The following IRAK1BP1 variants were observed in gnomAD, a reference collection of about 807,000 sequenced individuals.
The protein encoded by IRAK1BP1 is interleukin 1 receptor associated kinase 1 binding protein 1.
IRAK1BP1 carries 24 observed loss-of-function variants against 28.0 expected under a neutral mutation model. The ratio of observed to expected loss-of-function variants is 0.86; its 90% CI spans 0.62 to 1.20. The LOEUF (loss-of-function observed/expected upper bound fraction) is 1.20. Among genes scored for constraint, IRAK1BP1 ranks in the 50% most tolerant of loss-of-function variants. The probability of loss-of-function intolerance (pLI) is 0.00; values close to 1 mark genes in which losing one functional copy is unlikely to be tolerated. For synonymous variants in IRAK1BP1, 131 were observed against 116.3 expected (o/e 1.13, Z -0.81); for missense variants, 336 against 316.7 (o/e 1.06, Z -0.46).
chr6:78,914,116 G>T (rs142649729), intron 4 of IRAK1BP1, among the ~76,000 whole-genome samples: 21 of 152,080 alleles, frequency 1.4e-4, no homozygotes, highest in African/African-American at 5.1e-4. Flanking sequence ...TGCTTTAATT[G>T]ATGATTAGCA....
chr6:78,931,113 A>G (rs1773035091), intron 4 of IRAK1BP1, among the ~76,000 whole-genome samples: 1 of 152,174 alleles, frequency 6.6e-6, no homozygotes, highest in Non-Finnish European at 1.5e-5. Flanking sequence ...TAAAAATTTC[A>G]GGATGGGCTG....
intron 4 of IRAK1BP1, among the ~76,000 whole-genome samples, chr6:78,918,447 C>A (rs1772620749): frequency 6.6e-6 from 1 of 151,722 alleles, no homozygotes; most frequent in Non-Finnish European, 1.5e-5. Context: ...CTTCAAGGGA[C>A]CCTTCTTACA....
chr6:78,947,654 G>A (rs1197991568), downstream of IRAK1BP1: 1 of 1,493,826 alleles, frequency 6.7e-7, no homozygotes, highest in Non-Finnish European at 9.3e-7. Flanking sequence ...ATATGCTTTG[G>A]AATTACTGAA....
At chr6:78,945,537 G>A (rs770972974) in exon 5 of IRAK1BP1, 2 of 1,228,834 alleles carry the variant, frequency 1.6e-6, no homozygotes, top group South Asian at 1.3e-5. Context: ...AAGAGTTATT[G>A]AACCTAAAGA....
At chr6:78,977,342 C>T in the IRAK1BP1 span, among the ~76,000 whole-genome samples, 1 of 150,532 alleles carries the variant, frequency 6.6e-6, no homozygotes, top group Non-Finnish European at 1.5e-5. Context: ...CACATGGACA[C>T]AGGAAGGGGA....
rs1253855770 is a variant in IRAK1BP1, at chr6:78,898,416, A to T, written c.*82A>T. On this transcript the variant is annotated 3_prime_UTR_variant, in exon 4 of 4. Coordinates refer to ENST00000369940, the MANE Select transcript of IRAK1BP1 (RefSeq NM_001010844.4). ...TAATGTTTACGTTTGTCCTGAATAT[A>T]TATATATATATATATATATATATAT... 7.8e-6 allele frequency: 1 copy of T among 129,012 alleles called. No individual in the cohort carries two copies. The highest frequency in any genetic ancestry group is 3.2e-5 in the African/African-American group (1 of 31,378). 8.0% of individuals were successfully genotyped at this position (129,012 alleles called of 1,614,324 possible).
At chr6:78,915,140 C>G (rs1772527671) in intron 4 of IRAK1BP1, among the ~76,000 whole-genome samples, 1 of 151,990 alleles carries the variant, frequency 6.6e-6, no homozygotes, top group Middle Eastern at 3.2e-3. Flanking sequence ...GTTTTTATAA[C>G]CTAGGTATTA....
downstream of IRAK1BP1, among the ~76,000 whole-genome samples, chr6:78,948,523 T>C (rs1363487116): frequency 6.6e-6 from 1 of 152,114 alleles, no homozygotes; most frequent in Non-Finnish European, 1.5e-5. Flanking sequence ...GGAGACACAG[T>C]CTTGCTGCTG....
downstream of IRAK1BP1, among the ~76,000 whole-genome samples, chr6:78,907,647 A>G (rs112954753): frequency 0.019 from 2,833 of 152,322 alleles, 85 homozygotes; most frequent in African/African-American, 0.064. Context: ...CACACACACA[A>G]TGAAAAATTG....
chr6:78,888,979 T>G (rs1176238252), intron 2 of IRAK1BP1, among the ~76,000 whole-genome samples: 1 of 151,520 alleles, frequency 6.6e-6, no homozygotes, highest in Non-Finnish European at 1.5e-5. Context: ...TAGGTGGATG[T>G]GATGGCATGC....
At chr6:78,942,103 T>C (rs1773535182) in intron 4 of IRAK1BP1, among the ~76,000 whole-genome samples, 1 of 152,178 alleles carries the variant, frequency 6.6e-6, no homozygotes, top group Admixed American at 6.5e-5. Context: ...TTTGAGGAAA[T>C]TCATAGATGG....
chr6:78,970,982 G>T, the IRAK1BP1 span: 2 of 748,984 alleles, frequency 2.7e-6, no homozygotes, highest in East Asian at 2.9e-5. Context: ...AAAATCTAAT[G>T]CCTTTTCAGC....
intron 2 of IRAK1BP1, among the ~76,000 whole-genome samples, chr6:78,885,673 C>G (rs141777477): frequency 6.6e-6 from 1 of 152,078 alleles, no homozygotes; most frequent in African/African-American, 2.4e-5. Context: ...CAGTTAATTG[C>G]CACTAAATAC....
chr6:78,946,178 T>C lies in IRAK1BP1; in HGVS notation c.*838T>C, dbSNP rs1411975133. 8 of 1,614,036 alleles carry C rather than the reference T, an allele frequency of 5.0e-6. No homozygotes were observed. The highest frequency in any genetic ancestry group is 6.8e-6 in the Non-Finnish European group (8 of 1,179,876). The stretch of plus-strand genomic sequence containing the variant: ...TGAGCAGCATTGTGTCTTGGCGGTA[T>C]TGATCGTGTAGGTGTAGAGAATGCA... On this transcript the variant is annotated 3_prime_UTR_variant and NMD_transcript_variant, in exon 5 of 5. Transcript: ENST00000606868.
intron 4 of IRAK1BP1, among the ~76,000 whole-genome samples, chr6:78,924,443 A>G (rs915550599): frequency 6.6e-6 from 1 of 152,190 alleles, no homozygotes; most frequent in Non-Finnish European, 1.5e-5. Flanking sequence ...CCAAACAAAA[A>G]AAGCCCAGGA....
chr6:78,897,097 T>C (rs1226724808), intron 2 of IRAK1BP1, among the ~76,000 whole-genome samples: 1 of 151,022 alleles, frequency 6.6e-6, no homozygotes, highest in African/African-American at 2.4e-5. Context: ...AAAAAAAATT[T>C]TTTTAATTAG....
chr6:78,927,357 C>T (rs62424948), intron 4 of IRAK1BP1, among the ~76,000 whole-genome samples: 1 of 152,054 alleles, frequency 6.6e-6, no homozygotes, highest in Non-Finnish European at 1.5e-5. Context: ...TGAGAAATGT[C>T]TATTCAAATC....
At chr6:78,972,229 T>C in the IRAK1BP1 span, among the ~76,000 whole-genome samples, 3 of 152,166 alleles carry the variant, frequency 2.0e-5, no homozygotes, top group South Asian at 2.1e-4. Flanking sequence ...CCCTGACCCC[T>C]GAGCAGCCTA....
downstream of IRAK1BP1, chr6:78,946,645 C>T: frequency 4.8e-6 from 7 of 1,472,208 alleles, no homozygotes; most frequent in Admixed American, 2.7e-5. Context: ...TATTAAAAAA[C>T]ACCAAGTTCT....
Sources: gnomAD v4.1 joint callset for allele counts (sites outside exome capture counted in the v4.1 genomes callset) on GRCh38, gnomAD v4.1.1 for gene constraint, MANE v1.5 for transcripts, NCBI Gene and HGNC (gene_info 2026-07-23, HGNC 2026-07-21) for gene names.